Variants in GMDS observed in about 807,000 individuals in gnomAD.
The protein encoded by GMDS is GDP-mannose 4,6 dehydratase.
In GMDS, 20 loss-of-function variants were observed where a neutral mutation model predicts 49.9. That is an observed-to-expected ratio of 0.40 (90% CI 0.28 to 0.58). GMDS has a LOEUF of 0.58. Among genes scored for constraint, GMDS ranks in the 20% least tolerant of loss-of-function variants. GMDS has a pLI of 0.42. For synonymous variants in GMDS, 177 were observed against 178.6 expected, an observed-to-expected ratio of 0.99 and a Z score of 0.07; for missense variants, 362 against 481.4, an observed-to-expected ratio of 0.75 and a Z score of 2.32.
chr6:2,006,547 C>G (rs9501789), intron 4 of GMDS, among the ~76,000 whole-genome samples: 63,885 of 151,994 alleles, frequency 0.42, 13,554 homozygotes, highest in Middle Eastern at 0.49. Flanking sequence ...CATTTCTTAA[C>G]AACTGCCACA....
intron 9 of GMDS, among the ~76,000 whole-genome samples, chr6:1,691,345 G>A (rs1053946976): frequency 2.6e-5 from 4 of 151,938 alleles, no homozygotes; most frequent in Non-Finnish European, 5.9e-5. Context: ...CACACACACT[G>A]GGGCCTGTTG....
chr6:2,211,577 G>T (rs965428960), intron 1 of GMDS, among the ~76,000 whole-genome samples: 4 of 152,054 alleles, frequency 2.6e-5, no homozygotes, highest in African/African-American at 7.2e-5. Context: ...CCAAAAGGAT[G>T]CTCAAATAGG....
chr6:1,840,478 T>C (rs1757107545), intron 7 of GMDS, among the ~76,000 whole-genome samples: 1 of 152,160 alleles, frequency 6.6e-6, no homozygotes, highest in Admixed American at 6.5e-5. Flanking sequence ...AGAATGTTAC[T>C]GGAAGTGAGA....
intron 4 of GMDS, among the ~76,000 whole-genome samples, chr6:2,094,305 G>C (rs1433331094): frequency 6.6e-6 from 1 of 152,212 alleles, no homozygotes; most frequent in Non-Finnish European, 1.5e-5. Flanking sequence ...ATTTGAGCTA[G>C]ATCTACAAGA....
At chr6:2,005,649 A>G (rs1246579514) in intron 4 of GMDS, among the ~76,000 whole-genome samples, 1 of 152,068 alleles carries the variant, frequency 6.6e-6, no homozygotes, top group Non-Finnish European at 1.5e-5. Flanking sequence ...CAACCTACCC[A>G]TTTGTCTTCT....
At chr6:1,984,632 T>C (rs545228921) in intron 4 of GMDS, among the ~76,000 whole-genome samples, 149 of 152,236 alleles carry the variant, frequency 9.8e-4, no homozygotes, top group African/African-American at 3.4e-3. Flanking sequence ...TTCAAACAGG[T>C]TTCCTGGTCT....
intron 1 of GMDS, among the ~76,000 whole-genome samples, chr6:2,147,210 T>C (rs1776599161): frequency 6.6e-6 from 1 of 152,206 alleles, no homozygotes; most frequent in African/African-American, 2.4e-5. Flanking sequence ...TGTTTGGTTT[T>C]GATGAAACCT....
intron 7 of GMDS, among the ~76,000 whole-genome samples, chr6:1,765,249 C>A (rs1768306193): frequency 2.6e-5 from 4 of 152,168 alleles, no homozygotes; most frequent in Admixed American, 1.3e-4. Context: ...TTATTCAACA[C>A]CATTTTCCTA....
chr6:2,113,070 T>C (rs1028546836), intron 4 of GMDS, among the ~76,000 whole-genome samples: 8 of 152,222 alleles, frequency 5.3e-5, no homozygotes, highest in African/African-American at 1.9e-4. Flanking sequence ...CCTGCTTCCC[T>C]TGAATGTCCT....
At chr6:1,720,864 G>C (rs1019646632) in intron 9 of GMDS, among the ~76,000 whole-genome samples, 8 of 152,174 alleles carry the variant, frequency 5.3e-5, no homozygotes, top group Admixed American at 4.6e-4. Context: ...CAGATGAAGG[G>C]ATAGAGTGGG....
chr6:2,203,349 C>A (rs367964878), intron 1 of GMDS, among the ~76,000 whole-genome samples: 3 of 152,128 alleles, frequency 2.0e-5, no homozygotes, highest in Non-Finnish European at 4.4e-5. Context: ...AAAAATAATA[C>A]GGCCTTCCCT....
At chr6:1,811,489 T>C (rs990634629) in intron 7 of GMDS, among the ~76,000 whole-genome samples, 3 of 152,194 alleles carry the variant, frequency 2.0e-5, no homozygotes, top group Non-Finnish European at 4.4e-5. Context: ...GATTATTTCA[T>C]TTTATTGTAT....
At chr6:2,069,064 C>T (rs1771810288) in intron 4 of GMDS, among the ~76,000 whole-genome samples, 1 of 152,150 alleles carries the variant, frequency 6.6e-6, no homozygotes, top group African/African-American at 2.4e-5. Context: ...GGTACCAAAA[C>T]AGAGATATAG....
intron 4 of GMDS, among the ~76,000 whole-genome samples, chr6:2,112,777 G>C (rs1223235749): frequency 6.6e-6 from 1 of 152,006 alleles, no homozygotes; most frequent in Non-Finnish European, 1.5e-5. Flanking sequence ...GACTTTTCCT[G>C]GTCCTCATTC....
chr6:1,995,563 G>A (rs904274172), intron 4 of GMDS, among the ~76,000 whole-genome samples: 1 of 152,138 alleles, frequency 6.6e-6, no homozygotes, highest in East Asian at 1.9e-4. Flanking sequence ...ACCTGCGTTA[G>A]GTTTACTAGA....
At chr6:1,663,173 T>A (rs1179457871) in intron 9 of GMDS, among the ~76,000 whole-genome samples, 1 of 152,200 alleles carries the variant, frequency 6.6e-6, no homozygotes, top group Non-Finnish European at 1.5e-5. Flanking sequence ...ATGGCTTTTC[T>A]AGAACATGCA....
In GMDS at chr6:1,751,319, A is replaced by G. The variant is rs1215447356; in HGVS notation, c.772-8733T>C. ...GGGGTTGACAGACACCTCACACAGG[A>G]GAGCTCCGGCTAGCATCTGATGGGT... is the stretch of plus-strand genomic sequence containing the variant. On this transcript the variant is annotated intron_variant, in intron 7 of 10. Coordinates refer to ENST00000380815, the MANE Select transcript of GMDS (RefSeq NM_001500.4). 2.6e-5 allele frequency among the ~76,000 whole-genome samples: 4 copies of G among 152,138 alleles called. No individual in the cohort carries two copies. The East Asian group carries it at 7.7e-4, about 29-fold the overall frequency.
At chr6:1,983,455 G>C (rs1270866238) in intron 4 of GMDS, among the ~76,000 whole-genome samples, 1 of 151,964 alleles carries the variant, frequency 6.6e-6, no homozygotes, top group African/African-American at 2.4e-5. Context: ...CTACAGAATG[G>C]AAAAAAATTT....
At chr6:2,163,953 C>T (rs1324993991) in intron 1 of GMDS, among the ~76,000 whole-genome samples, 1 of 152,214 alleles carries the variant, frequency 6.6e-6, no homozygotes, top group Admixed American at 6.5e-5. Flanking sequence ...CTGGACCCTC[C>T]CGTGGTGGGC....
Sources: allele counts gnomAD v4.1 joint callset (sites outside exome capture counted in the v4.1 genomes callset), GRCh38; gene constraint gnomAD v4.1.1; transcripts MANE v1.5; gene names NCBI Gene and HGNC (gene_info 2026-07-23, HGNC 2026-07-21).